The following ATAD2B variants were observed in gnomAD, a reference collection of about 807,000 sequenced individuals.
ATAD2B encodes the protein ATPase family AAA domain-containing protein 2B.
ATAD2B carries 40 observed loss-of-function variants against 167.6 expected under a neutral mutation model. That is an observed-to-expected ratio of 0.24 (90% CI 0.19 to 0.31). The LOEUF (loss-of-function observed/expected upper bound fraction) is 0.31, where lower values mean the gene tolerates loss of function less well. Ranked by LOEUF, ATAD2B falls within the 10% of genes least tolerant of loss-of-function variation. The pLI is 1.00. For synonymous variants in ATAD2B, 579 were observed against 596.5 expected (o/e 0.97, Z 0.43); for missense variants, 1,242 against 1,757.2 (o/e 0.71, Z 5.24).
At chr2:23,891,383 A>G (rs1396163921) in intron 2 of ATAD2B, among the ~76,000 whole-genome samples, 2 of 152,126 alleles carry the variant, frequency 1.3e-5, no homozygotes, top group Admixed American at 1.3e-4. Flanking sequence ...TCTGTATTAT[A>G]TGAATGTTCT....
At chr2:23,726,330 T>C in the ATAD2B span, among the ~76,000 whole-genome samples, 7 of 152,252 alleles carry the variant, frequency 4.6e-5, no homozygotes, top group Non-Finnish European at 1.0e-4. Context: ...AATAGCCTGC[T>C]GTTGACTAAT....
At chr2:23,861,476 A>AT (rs1694358907) in intron 12 of ATAD2B, among the ~76,000 whole-genome samples, 1 of 147,258 alleles carries the variant, frequency 6.8e-6, no homozygotes, top group African/African-American at 2.5e-5. Context: ...AGAATCTTTC[A>AT]TTAAAAAAAA....
chr2:23,721,154 C>T, the ATAD2B span, among the ~76,000 whole-genome samples: 1 of 152,338 alleles, frequency 6.6e-6, no homozygotes, highest in Admixed American at 6.5e-5. Context: ...CCCTACCCCT[C>T]AAGCCTCCAA....
intron 17 of ATAD2B, among the ~76,000 whole-genome samples, chr2:23,810,737 G>A (rs7590516): frequency 0.034 from 5,113 of 152,158 alleles, 131 homozygotes; most frequent in Non-Finnish European, 0.054. Flanking sequence ...AGGGCCAGGC[G>A]CAGTGGCTCA....
the ATAD2B span, among the ~76,000 whole-genome samples, chr2:23,734,848 A>G: frequency 6.6e-6 from 1 of 152,142 alleles, no homozygotes; most frequent in South Asian, 2.1e-4. Flanking sequence ...CTAAACCATT[A>G]TCATTGTATT....
the ATAD2B span, among the ~76,000 whole-genome samples, chr2:23,733,190 T>C: frequency 2.6e-5 from 4 of 152,210 alleles, no homozygotes; most frequent in East Asian, 7.7e-4. Context: ...CCTGTCTAGT[T>C]ATGTTCTCTC....
At chr2:23,799,583 AAAAAAAG>A (rs1217685546) in intron 18 of ATAD2B, among the ~76,000 whole-genome samples, 56 of 149,354 alleles carry the variant, frequency 3.7e-4, no homozygotes, top group African/African-American at 9.8e-4. Flanking sequence ...AAAAAAAAAA[AAAAAAAG>A]AAAAGAAAAA....
the ATAD2B span, among the ~76,000 whole-genome samples, chr2:23,739,307 A>T: frequency 6.6e-6 from 1 of 152,058 alleles, no homozygotes; most frequent in Non-Finnish European, 1.5e-5. Context: ...GAAGTAAAGC[A>T]CTCCTCAGCA....
At chr2:23,808,196 T>G (rs1326041141) in intron 18 of ATAD2B, among the ~76,000 whole-genome samples, 1 of 121,672 alleles carries the variant, frequency 8.2e-6, no homozygotes, top group Admixed American at 8.8e-5. Context: ...TATATTTATA[T>G]TTATATAAAA....
chr2:23,864,825 T>C lies in ATAD2B; in HGVS notation c.1288A>G (p.Lys430Glu). ...ATTGCTTACCTTGGAGGCTGAATTT[T>C]AAACTTTTCAAAAATTTCTGGATAT... The part of the protein sequence containing the change: ...LLYPEIFEKF[K>E]IQPPRGCLFY... Residue 430 changes from lysine (K) to glutamate (E), a missense_variant, in exon 11 of 28, where the codon AAA becomes GAA. Transcript: ENST00000238789. 1 of 1,574,302 alleles carries C rather than the reference T, an allele frequency of 6.4e-7. No individual in the cohort carries two copies. The highest frequency in any genetic ancestry group is 8.6e-7 in the Non-Finnish European group (1 of 1,157,258).
chr2:23,881,110 T>C (rs528536172), intron 6 of ATAD2B, among the ~76,000 whole-genome samples: 1 of 152,308 alleles, frequency 6.6e-6, no homozygotes, highest in South Asian at 2.1e-4. Flanking sequence ...AATGCTCAAT[T>C]AACCACTAAA....
At chr2:23,736,400 T>G in the ATAD2B span, among the ~76,000 whole-genome samples, 5 of 152,086 alleles carry the variant, frequency 3.3e-5, no homozygotes, top group Non-Finnish European at 7.3e-5. Flanking sequence ...TGAGGAAAAC[T>G]TGTAATACTA....
At chr2:23,695,151 C>T in the ATAD2B span, among the ~76,000 whole-genome samples, 36 of 152,260 alleles carry the variant, frequency 2.4e-4, no homozygotes, top group African/African-American at 8.7e-4. The surrounding 1 kb of genome is among the most constrained non-coding windows in gnomAD (Gnocchi z 7.6). Flanking sequence ...GACACAGGCT[C>T]CCACGGCTGA....
At chr2:23,779,656 G>A (rs1679701651) in intron 22 of ATAD2B, among the ~76,000 whole-genome samples, 2 of 151,810 alleles carry the variant, frequency 1.3e-5, no homozygotes, top group Admixed American at 6.6e-5. Context: ...TATAAAAGAG[G>A]AAAAAACTAA....
intron 22 of ATAD2B, among the ~76,000 whole-genome samples, chr2:23,776,076 A>C (rs1396775585): frequency 6.6e-6 from 1 of 152,204 alleles, no homozygotes; most frequent in Non-Finnish European, 1.5e-5. Context: ...AGATCACGCC[A>C]CTGTACTCCA....
downstream of ATAD2B, among the ~76,000 whole-genome samples, chr2:23,743,904 G>A (rs925485118): frequency 3.9e-5 from 6 of 152,096 alleles, no homozygotes; most frequent in Admixed American, 1.3e-4. Flanking sequence ...GGGAATAAAG[G>A]CGTGCTGGGT....
chr2:23,820,743 G>C (rs1310343020), intron 16 of ATAD2B, among the ~76,000 whole-genome samples: 2 of 152,040 alleles, frequency 1.3e-5, no homozygotes, highest in African/African-American at 4.8e-5. Context: ...ACATTTAATC[G>C]AGACCATCCT....
chr2:23,798,503 CA>C (rs199838286), intron 18 of ATAD2B, among the ~76,000 whole-genome samples, 180 bp from the exon 19 acceptor site: 385 of 133,392 alleles, frequency 2.9e-3, no homozygotes, highest in Admixed American at 3.4e-3. Context: ...CTTGCCCCAC[CA>C]AAAAAAAAAA....
the ATAD2B span, among the ~76,000 whole-genome samples, chr2:23,694,630 G>A: frequency 5.3e-5 from 8 of 152,166 alleles, no homozygotes; most frequent in Non-Finnish European, 1.0e-4. Context: ...CTCCCTAAAC[G>A]CCTCCTCAAC....
Sources: allele counts gnomAD v4.1 joint callset (sites outside exome capture counted in the v4.1 genomes callset), GRCh38; gene constraint gnomAD v4.1.1; non-coding constraint Gnocchi (gnomAD v3.1); transcripts MANE v1.5; gene names NCBI Gene and HGNC (gene_info 2026-07-23, HGNC 2026-07-21).